Variants in ZDHHC14 observed in about 807,000 individuals in gnomAD.
ZDHHC14 encodes palmitoyltransferase ZDHHC14.
ZDHHC14 carries 16 observed loss-of-function variants against 47.7 expected under a neutral mutation model. That is an observed-to-expected ratio of 0.34 (90% CI 0.23 to 0.51). The LOEUF (loss-of-function observed/expected upper bound fraction) is 0.51, where lower values mean the gene tolerates loss of function less well. Ranked by LOEUF, ZDHHC14 falls within the 20% of genes least tolerant of loss-of-function variation. The pLI is 0.97. For synonymous variants in ZDHHC14, 293 were observed against 278.9 expected (o/e 1.05, Z -0.50); for missense variants, 515 against 662.5 (o/e 0.78, Z 2.44).
intron 3 of ZDHHC14, among the ~76,000 whole-genome samples, chr6:157,608,632 T>A (rs1162518513): frequency 6.6e-6 from 1 of 152,040 alleles, no homozygotes; most frequent in Non-Finnish European, 1.5e-5. Context: ...GAGACTCAGG[T>A]CAGAGTGAGT....
chr6:157,654,128 T>C (rs930501990), intron 8 of ZDHHC14, among the ~76,000 whole-genome samples: 10 of 152,182 alleles, frequency 6.6e-5, no homozygotes, highest in South Asian at 4.1e-4. Context: ...AGGTGTACGT[T>C]CACTTGCCAC....
chr6:157,648,427 A>C (rs1223928079), intron 7 of ZDHHC14, among the ~76,000 whole-genome samples: 1 of 152,046 alleles, frequency 6.6e-6, no homozygotes, highest in Admixed American at 6.5e-5. Context: ...TTAGAGAGGT[A>C]AAAAGAATTC....
intron 4 of ZDHHC14, chr6:157,629,866 G>C (rs1003884952): frequency 6.6e-6 from 1 of 152,220 alleles, no homozygotes; most frequent in Non-Finnish European, 1.5e-5. Flanking sequence ...GACAAAAGAA[G>C]CAGAGAGAAT....
intron 1 of ZDHHC14, among the ~76,000 whole-genome samples, chr6:157,412,524 C>G (rs1021217129): frequency 2.0e-5 from 3 of 152,060 alleles, no homozygotes; most frequent in African/African-American, 7.3e-5. Flanking sequence ...AACTCCTGAC[C>G]TCAAATGGTC....
intron 1 of ZDHHC14, among the ~76,000 whole-genome samples, chr6:157,512,410 G>T (rs1780526107): frequency 6.6e-6 from 1 of 152,250 alleles, no homozygotes; most frequent in Admixed American, 6.5e-5. Flanking sequence ...TCCGCCTTAG[G>T]ATTGGAGTGA....
chr6:157,424,694 G>A (rs1372288348), intron 1 of ZDHHC14, among the ~76,000 whole-genome samples: 1 of 152,216 alleles, frequency 6.6e-6, no homozygotes, highest in African/African-American at 2.4e-5. Flanking sequence ...ATGGGGATAA[G>A]TTTGCAGGAG....
intron 5 of ZDHHC14, among the ~76,000 whole-genome samples, chr6:157,634,160 T>A (rs907919821): frequency 6.6e-6 from 1 of 152,202 alleles, no homozygotes. Context: ...CCAGTACCTC[T>A]GTGTTTGTGG....
chr6:157,439,143 A>G (rs1278309408), intron 1 of ZDHHC14, among the ~76,000 whole-genome samples: 1 of 152,218 alleles, frequency 6.6e-6, no homozygotes, highest in Admixed American at 6.5e-5. Flanking sequence ...ATCCATTTAT[A>G]TCTCTTATTT....
At chr6:157,542,381 T>C (rs1214474999) in intron 1 of ZDHHC14, among the ~76,000 whole-genome samples, 1 of 152,058 alleles carries the variant, frequency 6.6e-6, no homozygotes, top group Non-Finnish European at 1.5e-5. Flanking sequence ...TACTGGGGAG[T>C]GGGGGTTCAA....
At chr6:157,653,980 C>G (rs1232041044) in intron 8 of ZDHHC14, among the ~76,000 whole-genome samples, 3 of 152,164 alleles carry the variant, frequency 2.0e-5, no homozygotes, top group Admixed American at 2.0e-4. Context: ...TTCCATTTCC[C>G]TTTCCGTCCC....
intron 2 of ZDHHC14, among the ~76,000 whole-genome samples, chr6:157,563,053 G>A (rs750489841): frequency 5.9e-5 from 9 of 152,292 alleles, no homozygotes; most frequent in East Asian, 3.9e-4. Context: ...GTCTTCCTGC[G>A]GTAAGAAGCC....
intron 1 of ZDHHC14, among the ~76,000 whole-genome samples, chr6:157,415,308 G>A (rs1777951849): frequency 6.6e-6 from 1 of 152,004 alleles, no homozygotes; most frequent in Admixed American, 6.6e-5. Context: ...GTTTATCAAA[G>A]GGCTTTGCAA....
chr6:157,603,148 G>C (rs1276467974), intron 3 of ZDHHC14, among the ~76,000 whole-genome samples: 1 of 152,246 alleles, frequency 6.6e-6, no homozygotes, highest in East Asian at 1.9e-4. Flanking sequence ...GGAGAGTCAG[G>C]TGAGGAATCC....
intron 8 of ZDHHC14, among the ~76,000 whole-genome samples, chr6:157,664,611 A>G (rs537846659): frequency 2.0e-5 from 3 of 152,314 alleles, no homozygotes; most frequent in African/African-American, 4.8e-5. Context: ...AAGCTTTGTT[A>G]GGATGGGTCT....
chr6:157,491,900 C>A (rs1031947148), intron 1 of ZDHHC14, among the ~76,000 whole-genome samples: 1 of 152,354 alleles, frequency 6.6e-6, no homozygotes, highest in South Asian at 2.1e-4. Flanking sequence ...TTTTGATTGT[C>A]GAATTACGTC....
At chr6:157,442,518 G>A (rs9457464) in intron 1 of ZDHHC14, among the ~76,000 whole-genome samples, 39,795 of 152,204 alleles carry the variant, frequency 0.26, 5,638 homozygotes, top group Admixed American at 0.4. Context: ...CCTGGCTTTC[G>A]AAACTCTAAG....
chr6:157,614,382 G>A (rs1259353487), intron 3 of ZDHHC14, among the ~76,000 whole-genome samples: 1 of 146,660 alleles, frequency 6.8e-6, no homozygotes, highest in Non-Finnish European at 1.5e-5. Flanking sequence ...TTTTTTGGTT[G>A]ATGTAAGCAG....
chr6:157,461,369 A>G (rs779745329), intron 1 of ZDHHC14, among the ~76,000 whole-genome samples: 22 of 152,222 alleles, frequency 1.4e-4, no homozygotes, highest in Admixed American at 2.6e-4. Flanking sequence ...AAATATTGTT[A>G]CTAAAAATAG....
intron 2 of ZDHHC14, among the ~76,000 whole-genome samples, chr6:157,559,227 C>T: frequency 6.6e-6 from 1 of 152,204 alleles, no homozygotes; most frequent in East Asian, 1.9e-4. Context: ...TGGTGGTCGG[C>T]CATCTCTCTG....
Sources: allele counts gnomAD v4.1 joint callset (sites outside exome capture counted in the v4.1 genomes callset), GRCh38; gene constraint gnomAD v4.1.1; transcripts MANE v1.5; gene names NCBI Gene and HGNC (gene_info 2026-07-23, HGNC 2026-07-21).